The following SLC36A1 variants were observed in gnomAD, a reference collection of about 807,000 sequenced individuals.
SLC36A1 encodes proton-coupled amino acid transporter 1.
A neutral mutation model predicts 47.5 loss-of-function variants in SLC36A1; 30 were observed. That is an observed-to-expected ratio of 0.63 (90% CI 0.47 to 0.86). The LOEUF (loss-of-function observed/expected upper bound fraction) is 0.86, where lower values mean the gene tolerates loss of function less well. Ranked by LOEUF, SLC36A1 falls within the 40% of genes least tolerant of loss-of-function variation. SLC36A1 has a pLI of 0.00. For synonymous variants in SLC36A1, 255 were observed against 249.7 expected (o/e 1.02, Z -0.20); for missense variants, 517 against 606.0 (o/e 0.85, Z 1.54).
chr5:151,522,493 T>C, the SLC36A1 span, among the ~76,000 whole-genome samples: 3 of 152,190 alleles, frequency 2.0e-5, no homozygotes, highest in African/African-American at 7.2e-5. Context: ...CTGCTCAGCC[T>C]ACGAAAATTC....
the SLC36A1 span, among the ~76,000 whole-genome samples, chr5:151,547,246 G>A: frequency 1.3e-5 from 2 of 152,192 alleles, no homozygotes; most frequent in Non-Finnish European, 1.5e-5. Context: ...GTCTGAGCCT[G>A]TGAGCTATCC....
Position 151,490,534 on chromosome 5 carries a change from G to A in SLC36A1, c.*2280G>A, listed in dbSNP as rs1464540573. 6.6e-6 allele frequency: 1 copy of A among 152,380 alleles called. No individual in the cohort carries two copies. The highest frequency in any genetic ancestry group is 2.4e-5 in the African/African-American group (1 of 41,466). The allele number at this position is 152,380 out of a possible 1,614,324, so 9.4% of individuals were successfully genotyped here. ...GATGTTGGGACCTGAGGACTGGATG[G>A]TAGAATACTGGGGTCCCCCAGCTCT... On this transcript the variant is annotated 3_prime_UTR_variant, in exon 11 of 11. Coordinates refer to ENST00000243389, the MANE Select transcript of SLC36A1 (RefSeq NM_078483.4).
chr5:151,422,428 CA>C, the SLC36A1 span, among the ~76,000 whole-genome samples: 3 of 152,124 alleles, frequency 2.0e-5, no homozygotes, highest in African/African-American at 7.2e-5. Context: ...AAAAAATGGA[CA>C]AAAGGGCCTG....
the SLC36A1 span, chr5:151,381,904 C>T: frequency 9.9e-6 from 3 of 302,494 alleles, no homozygotes; most frequent in African/African-American, 4.4e-5. Context: ...GTGAATTACT[C>T]TTTCTCTGTC....
the SLC36A1 span, among the ~76,000 whole-genome samples, chr5:151,389,908 C>T: frequency 8.0e-4 from 88 of 109,364 alleles, 1 homozygote; most frequent in African/African-American, 4.3e-3. Context: ...ATTTATAATC[C>T]TTTGGGTATT....
At chr5:151,536,778 A>G in the SLC36A1 span, among the ~76,000 whole-genome samples, 1 of 152,206 alleles carries the variant, frequency 6.6e-6, no homozygotes. Context: ...TGCAGCATAG[A>G]TACCTTGAGA....
the SLC36A1 span, chr5:151,527,279 A>T: frequency 6.2e-7 from 1 of 1,607,728 alleles, no homozygotes; most frequent in South Asian, 1.1e-5. Context: ...TCGGTGGGTT[A>T]TCATTGACAT....
At chr5:151,522,097 A>T in the SLC36A1 span, 1 of 1,563,038 alleles carries the variant, frequency 6.4e-7, no homozygotes, top group East Asian at 2.3e-5. Context: ...CTGTGGGCAA[A>T]ACAAACACTG....
At chr5:151,377,493 C>T in the SLC36A1 span, among the ~76,000 whole-genome samples, 6 of 151,158 alleles carry the variant, frequency 4.0e-5, no homozygotes, top group Non-Finnish European at 5.9e-5. Flanking sequence ...GGACTACAGG[C>T]GCGCGCCACC....
the SLC36A1 span, chr5:151,544,347 G>T: frequency 1.9e-6 from 3 of 1,614,078 alleles, no homozygotes; most frequent in Admixed American, 1.7e-5. Context: ...CCTCCACTAG[G>T]ACTTCCACTG....
At chr5:151,414,540 G>C in the SLC36A1 span, 1 of 152,288 alleles carries the variant, frequency 6.6e-6, no homozygotes, top group African/African-American at 2.4e-5. Context: ...ATCTGTCGTT[G>C]CTCAGAGAGA....
At chr5:151,552,462 A>G in the SLC36A1 span, among the ~76,000 whole-genome samples, 1 of 152,098 alleles carries the variant, frequency 6.6e-6, no homozygotes, top group Non-Finnish European at 1.5e-5. Flanking sequence ...CTGTACCAGG[A>G]CTCCATGTTC....
chr5:151,529,557 C>G, the SLC36A1 span, among the ~76,000 whole-genome samples: 6 of 150,622 alleles, frequency 4.0e-5, no homozygotes, highest in Non-Finnish European at 3.0e-5. Flanking sequence ...CCCTTGACCC[C>G]CTTCCCCATC....
Position 151,488,755 on chromosome 5 carries a change from C to T in SLC36A1, c.*501C>T, listed in dbSNP as rs1759871025. 1 of 162,620 alleles carries T rather than the reference C, an allele frequency of 6.1e-6. No homozygotes were observed. Among genetic ancestry groups the T allele is most frequent in the South Asian group, 1.7e-4 (1 of 6,058 alleles). 10.1% of individuals were successfully genotyped at this position (162,620 alleles called of 1,614,324 possible). ...TCAGTATTCTTCCTATTCGAGTCTC[C>T]AGGGGGTGGCTGGACCTACCTGGTC... On this transcript the variant is annotated 3_prime_UTR_variant, in exon 11 of 11. Coordinates refer to ENST00000243389, the MANE Select transcript of SLC36A1 (RefSeq NM_078483.4).
At chr5:151,515,081 C>T in the SLC36A1 span, among the ~76,000 whole-genome samples, 4 of 152,156 alleles carry the variant, frequency 2.6e-5, no homozygotes, top group South Asian at 2.1e-4. Flanking sequence ...CCACCATACA[C>T]GGAAACCATT....
chr5:151,511,936 C>T, the SLC36A1 span: 1 of 561,582 alleles, frequency 1.8e-6, no homozygotes, highest in East Asian at 3.0e-5. Context: ...CATTCATATC[C>T]TCCCTCATCC....
chr5:151,542,195 A>G, the SLC36A1 span: 1 of 1,315,600 alleles, frequency 7.6e-7, no homozygotes, highest in Non-Finnish European at 1.0e-6. Context: ...ATAAGTGGCA[A>G]ATCCAGGACA....
Position 151,467,723 on chromosome 5 carries a change from A to C in SLC36A1, c.521A>C (p.Asn174Thr). ...DNFKQVIEAA[N>T]GTTNNCHNNE... ...TCATTCTAGGTGATAGAAGCGGCCAATGGGACCACCAATAACTGCCACAAC... is the reference window on the plus strand; with the variant it reads ...TCATTCTAGGTGATAGAAGCGGCCACTGGGACCACCAATAACTGCCACAAC... Residue 174 changes from asparagine (N) to threonine (T), a missense_variant, in exon 7 of 11, where the codon AAT (asparagine) becomes ACT (threonine). By Grantham distance (65) the Asn-to-Thr change is moderately conservative. Transcript: ENST00000243389. 2.5e-6 allele frequency: 4 copies of C among 1,613,952 alleles called. No homozygotes were observed. The highest frequency in any genetic ancestry group is 3.4e-6 in the Non-Finnish European group (4 of 1,179,950).
At position 151,453,778 on chromosome 5, in the gene SLC36A1, T is replaced by TA. The variant is rs568610788; in HGVS notation, c.-5-4998dup. On this transcript the variant is annotated intron_variant, in intron 1 of 10. Transcript: ENST00000243389. ...ATTAGAAAAATTTCTGGCCTTGCCT[T>TA]AAAAAAAAAAAATCACTGTAGAATT... Among the ~76,000 whole-genome samples, 630 of 146,362 alleles carry TA rather than the reference T, an allele frequency of 4.3e-3. 5 individuals carry two copies. Among genetic ancestry groups the TA allele is most frequent in the African/African-American group, 0.013 (532 of 40,246 alleles).
Sources: allele counts gnomAD v4.1 joint callset (sites outside exome capture counted in the v4.1 genomes callset), GRCh38; gene constraint gnomAD v4.1.1; transcripts MANE v1.5; gene names NCBI Gene and HGNC (gene_info 2026-07-23, HGNC 2026-07-21).